ANK3: variants seen among roughly 807,000 people sequenced by gnomAD.
ANK3 encodes ankyrin-3.
In ANK3, 57 loss-of-function variants were observed where a neutral mutation model predicts 370.9. The ratio of observed to expected loss-of-function variants is 0.15; its 90% CI spans 0.12 to 0.19. ANK3 has a LOEUF of 0.19. Ranked by LOEUF, ANK3 falls within the 10% of genes least tolerant of loss-of-function variation. The pLI, the probability that ANK3 is intolerant of heterozygous loss-of-function variation, is 1.00. For missense variants in ANK3, 4,439 were observed against 5,302.1 expected, an observed-to-expected ratio of 0.84 and a Z score of 5.06; for synonymous variants, 1,929 against 1,946.3, an observed-to-expected ratio of 0.99 and a Z score of 0.23.
At position 60,070,963 on chromosome 10, in the gene ANK3, T is replaced by G. The variant is rs2082567902; in HGVS notation, c.9918A>C (p.Ser3306=). 1.2e-6 allele frequency: 2 copies of G among 1,613,968 alleles called. No individual in the cohort carries two copies. Among genetic ancestry groups the G allele is most frequent in the African/African-American group, 2.7e-5 (2 of 74,920 alleles). ...AEPVIRVQPP[S]PVPPGADVSD... is the part of the protein sequence containing the mutation. ...TGACGTCTGCCCCGGGAGGAACTGG[T>G]GAAGGTGGCTGCACTCTAATGACAG... is the stretch of plus-strand genomic sequence containing the variant. Residue 3306 remains serine (S), a synonymous_variant, in exon 37 of 44, where the codon TCA becomes TCC. Transcript: ENST00000280772. The surrounding 1 kb of genome is among the most constrained non-coding windows in gnomAD (Gnocchi z 5.7).
chr10:60,568,457 A>G (rs2077514128), intron 2 of ANK3, among the ~76,000 whole-genome samples: 1 of 152,236 alleles, frequency 6.6e-6, no homozygotes. Flanking sequence ...TATAACTTTT[A>G]TATGCACTGG....
chr10:60,665,197 A>G (rs564812602), intron 1 of ANK3, among the ~76,000 whole-genome samples: 1 of 152,284 alleles, frequency 6.6e-6, no homozygotes, highest in Non-Finnish European at 1.5e-5. Flanking sequence ...TGGGGGCACA[A>G]AACACTGTTA....
intron 1 of ANK3, among the ~76,000 whole-genome samples, chr10:60,347,073 ATT>A (rs762481214): frequency 7.4e-6 from 1 of 135,792 alleles, no homozygotes; most frequent in East Asian, 2.2e-4. Context: ...ATATATATAT[ATT>A]GCATTAGTAC....
At chr10:60,616,785 A>G (rs2078273578) in intron 1 of ANK3, among the ~76,000 whole-genome samples, 1 of 152,172 alleles carries the variant, frequency 6.6e-6, no homozygotes, top group African/African-American at 2.4e-5. Context: ...GTCAAAATCT[A>G]TAGATTGCTC....
chr10:60,635,826 C>A (rs10994444), intron 1 of ANK3, among the ~76,000 whole-genome samples: 51,945 of 151,544 alleles, frequency 0.34, 9,043 homozygotes, highest in African/African-American at 0.4. Context: ...CATTGCACAA[C>A]AGGTAAAAGC....
chr10:60,383,945 G>T (rs1245640213), intron 1 of ANK3, among the ~76,000 whole-genome samples: 3 of 152,090 alleles, frequency 2.0e-5, no homozygotes, highest in Non-Finnish European at 4.4e-5. Context: ...CCCTTATATT[G>T]TGGCTGACCT....
chr10:60,140,663 T>C, intron 23 of ANK3: 1 of 1,326,986 alleles, frequency 7.5e-7, no homozygotes, highest in African/African-American at 1.5e-5. Context: ...TTCGCAGACA[T>C]CCTTTTAAAG....
chr10:60,187,134 A>ATTTATTTTATTTTAT (rs141378213), intron 16 of ANK3, among the ~76,000 whole-genome samples: 2,342 of 144,820 alleles, frequency 0.016, 46 homozygotes, highest in African/African-American at 0.031. Context: ...TGGACATTTT[A>ATTTATTTTATTTTAT]TTTATTTTAT....
In ANK3 at chr10:60,069,636, T is replaced by C. The variant is rs930785870; in HGVS notation, c.11245A>G (p.Met3749Val). Residue 3749 changes from methionine (M) to valine (V), a missense_variant, in exon 37 of 44, where the codon ATG (methionine) becomes GTG (valine). Met to Val is a conservative substitution (Grantham distance 21, BLOSUM62 1). Transcript: ENST00000280772. Reference protein sequence around the residue: ...GEITDKIEAVMTSCQGLENET... With the variant: ...GEITDKIEAVVTSCQGLENET... ...TTTTCTAATCCCTGACAACTGGTCA[T>C]CACCGCTTCTATCTTATCTGTTATT... is the stretch of plus-strand genomic sequence containing the variant. The C allele has an allele frequency of 6.2e-7, 1 of 1,614,226 alleles. No individual in the cohort carries two copies. Among genetic ancestry groups the C allele is most frequent in the Non-Finnish European group, 8.5e-7 (1 of 1,180,024 alleles).
At chr10:60,435,415 A>G (rs1280243525) in intron 2 of ANK3, among the ~76,000 whole-genome samples, 1 of 152,186 alleles carries the variant, frequency 6.6e-6, no homozygotes, top group Non-Finnish European at 1.5e-5. Context: ...TTTTCTTAGA[A>G]CAATCTTTCC....
In ANK3 at chr10:60,042,694, C is replaced by A; in HGVS notation, c.13131G>T (p.Ser4377=). The change falls in exon 43 of 44, where the codon TCG becomes TCT. Residue 4377 remains serine (S), a synonymous_variant. Coordinates refer to ENST00000280772, the MANE Select transcript of ANK3 (RefSeq NM_020987.5). ...EIRHVEKKSH[S] ...CACCTTGACTGACCGTTCGCTGTTACGAGTGGCTCTTCTTTTCCACATGCC... is the reference window on the plus strand; with the variant it reads ...CACCTTGACTGACCGTTCGCTGTTAAGAGTGGCTCTTCTTTTCCACATGCC... 1 of 1,613,842 alleles carries A rather than the reference C, an allele frequency of 6.2e-7. No homozygotes were observed. Among genetic ancestry groups the A allele is most frequent in the Non-Finnish European group, 8.5e-7 (1 of 1,179,954 alleles).
intron 2 of ANK3, among the ~76,000 whole-genome samples, chr10:60,575,879 T>TAGAAATACGCATTCAA (rs2077676273): frequency 6.6e-6 from 1 of 152,214 alleles, no homozygotes; most frequent in African/African-American, 2.4e-5. Context: ...ACCTCTACTC[T>TAGAAATACGCATTCAA]AGAAATACGC....
intron 1 of ANK3, among the ~76,000 whole-genome samples, chr10:60,351,617 G>A (rs1349897723): frequency 6.6e-6 from 1 of 152,184 alleles, no homozygotes; most frequent in African/African-American, 2.4e-5. Flanking sequence ...ACCATGTAAA[G>A]GTGTTAAGTT....
intron 7 of ANK3, among the ~76,000 whole-genome samples, chr10:60,254,053 CATGG>C (rs1225774812): frequency 1.3e-5 from 2 of 152,102 alleles, no homozygotes; most frequent in Admixed American, 1.3e-4. Context: ...TGCCAAAACC[CATGG>C]ATGCTCAAGT....
chr10:60,173,215 G>T, intron 18 of ANK3, 29 bp from the exon 19 acceptor site: 2 of 1,536,160 alleles, frequency 1.3e-6, no homozygotes, highest in Non-Finnish European at 1.8e-6. Context: ...TAAAAAAGAA[G>T]CATCATAATT....
intron 1 of ANK3, among the ~76,000 whole-genome samples, chr10:60,694,222 G>A (rs1162676794): frequency 9.2e-5 from 14 of 152,078 alleles, no homozygotes; most frequent in African/African-American, 2.7e-4. Flanking sequence ...AGAAACGAGC[G>A]AAGCCTCCAA....
intron 25 of ANK3, among the ~76,000 whole-genome samples, chr10:60,131,833 G>C (rs373652478): frequency 6.6e-6 from 1 of 152,270 alleles, no homozygotes; most frequent in East Asian, 1.9e-4. Flanking sequence ...TGATGGTGGT[G>C]GTGGTTCCAA....
At chr10:60,381,599 CCT>C (rs2061557447) in intron 1 of ANK3, among the ~76,000 whole-genome samples, 1 of 152,042 alleles carries the variant, frequency 6.6e-6, no homozygotes, top group African/African-American at 2.4e-5. Flanking sequence ...AAAAATATTC[CCT>C]CTTTTTCTCA....
rs1311576974 is a variant in ANK3, at chr10:60,126,803, CATAAA to C, written c.2841+7463_2841+7467del. Among the ~76,000 whole-genome samples, 4 of 152,242 alleles carry C rather than the reference CATAAA, an allele frequency of 2.6e-5. No individual in the cohort carries two copies. The South Asian group carries it at 8.3e-4, about 32-fold the overall frequency. ...GATTTACTTATTTCTAGAGAGAAAGCATAAAATAATAGAATCTCAAGGTTGAATGG... is the reference window on the plus strand; with the variant it reads ...GATTTACTTATTTCTAGAGAGAAAGCATAATAGAATCTCAAGGTTGAATGG... On this transcript the variant is annotated intron_variant, in intron 25 of 43. Coordinates refer to ENST00000280772, the MANE Select transcript of ANK3 (RefSeq NM_020987.5).
Sources: gnomAD v4.1 joint callset for allele counts (sites outside exome capture counted in the v4.1 genomes callset) on GRCh38, gnomAD v4.1.1 for gene constraint, Gnocchi (gnomAD v3.1) non-coding constraint, MANE v1.5 for transcripts, NCBI Gene and HGNC (gene_info 2026-07-23, HGNC 2026-07-21) for gene names.